The following KRT86 variants were observed in gnomAD, a reference collection of about 807,000 sequenced individuals.
KRT86 encodes the protein keratin 86.
A neutral mutation model predicts 41.2 loss-of-function variants in KRT86; 30 were observed. That is an observed-to-expected ratio of 0.73 (90% CI 0.54 to 0.99). The LOEUF is 0.99. Among genes scored for constraint, KRT86 ranks in the 50% least tolerant of loss-of-function variants. KRT86 has a pLI of 0.00. For synonymous variants in KRT86, 238 were observed against 238.1 expected, an observed-to-expected ratio of 1.00 and a Z score of 0.00; for missense variants, 561 against 571.4, an observed-to-expected ratio of 0.98 and a Z score of 0.19.
At chr12:52,277,347 C>T (rs190159626) in intron 2 of KRT86, among the ~76,000 whole-genome samples, 1 of 152,138 alleles carries the variant, frequency 6.6e-6, no homozygotes, top group East Asian at 1.9e-4. Context: ...TACAGACAAA[C>T]AAACACAAGT....
At chr12:52,297,192 C>A (rs1938270693) in intron 2 of KRT86, among the ~76,000 whole-genome samples, 1 of 152,312 alleles carries the variant, frequency 6.6e-6, no homozygotes, top group Non-Finnish European at 1.5e-5. Context: ...CTTGCCTTTC[C>A]CATCAGACTA....
chr12:52,283,392 CAAA>C (rs1169224117), intron 2 of KRT86, among the ~76,000 whole-genome samples: 8 of 39,564 alleles, frequency 2.0e-4, no homozygotes, highest in Admixed American at 1.3e-3. Flanking sequence ...AACTGTCTCA[CAAA>C]AAAAAAAAAA....
Position 52,302,015 on chromosome 12 carries a change from T to C in KRT86, c.99T>C (p.Arg33=), listed in dbSNP as rs772858714. The change falls in exon 3 of 11, where the codon CGT becomes CGC. Residue 33 remains arginine (R), a synonymous_variant. Transcript: ENST00000423955. Reference sequence around the variant, plus strand: ...GCTGCATCACCGCCGCCCCCTACCGTGGCATCTCCTGCTACCGCGGCCTCA... The same window carrying C: ...GCTGCATCACCGCCGCCCCCTACCGCGGCATCTCCTGCTACCGCGGCCTCA... ...GRCCITAAPY[R]GISCYRGLTG... 3.0e-5 allele frequency: 48 copies of C among 1,611,612 alleles called. 2 individuals are homozygous for C. Among genetic ancestry groups the C allele is most frequent in the South Asian group, 6.6e-5 (6 of 90,966 alleles).
intron 2 of KRT86, among the ~76,000 whole-genome samples, chr12:52,298,424 G>C (rs539700071): frequency 6.6e-6 from 1 of 152,146 alleles, no homozygotes; most frequent in South Asian, 2.1e-4. Flanking sequence ...AAGATAAGGC[G>C]GTTAATGAAA....
intron 2 of KRT86, among the ~76,000 whole-genome samples, chr12:52,284,135 G>A (rs1937847834): frequency 6.6e-6 from 1 of 152,150 alleles, no homozygotes; most frequent in Non-Finnish European, 1.5e-5. Flanking sequence ...GATGGAGCTG[G>A]TGCTTGAGTC....
At chr12:52,308,092 T>C in intron 9 of KRT86, 141 bp from the exon 10 acceptor site, 1 of 1,082,988 alleles carries the variant, frequency 9.2e-7, no homozygotes, top group Non-Finnish European at 1.3e-6. Flanking sequence ...GAGTCTACAC[T>C]GGCTCCTGGC....
At position 52,306,080 on chromosome 12, in the gene KRT86, G is replaced by A. The variant is rs369312934; in HGVS notation, c.1047G>A (p.Ala349=). 2.8e-5 allele frequency: 45 copies of A among 1,613,856 alleles called. No homozygotes were observed. The highest frequency in any genetic ancestry group is 1.3e-4 in the Admixed American group (8 of 59,996). Residue 349 remains alanine (A), a synonymous_variant, in exon 9 of 11, where the codon GCG becomes GCA. Transcript: ENST00000423955. ...AKCQNSKLEA[A]VAQSEQQGEA... is the part of the protein sequence containing the mutation. ...TTCAGAATTCCAAGCTGGAGGCTGC[G>A]GTGGCTCAGTCTGAGCAGCAGGGTG...
intron 2 of KRT86, chr12:52,291,258 C>T: frequency 1.3e-6 from 2 of 1,521,010 alleles, no homozygotes; most frequent in East Asian, 2.5e-5. Flanking sequence ...GGCCCGCACA[C>T]GCCCCCGGAG....
At chr12:52,285,887 TA>T (rs1937912709) in intron 2 of KRT86, 2 of 338,096 alleles carry the variant, frequency 5.9e-6, no homozygotes, top group South Asian at 5.5e-5. Flanking sequence ...CTGAGGAGGG[TA>T]ATAGAGACAC....
At chr12:52,279,274 C>G (rs1241096087) in intron 2 of KRT86, 1 of 152,408 alleles carries the variant, frequency 6.6e-6, no homozygotes, top group African/African-American at 2.4e-5. Flanking sequence ...CAGCTTCTGC[C>G]CTAAAGACTT....
At chr12:52,284,322 T>C (rs1025345183) in intron 2 of KRT86, among the ~76,000 whole-genome samples, 1 of 152,206 alleles carries the variant, frequency 6.6e-6, no homozygotes, top group Non-Finnish European at 1.5e-5. Context: ...CCTAAGTAGC[T>C]GGGACTATAG....
At position 52,302,264 on chromosome 12, in the gene KRT86, G is replaced by A. The variant is rs58580222; in HGVS notation, c.348G>A (p.Arg116=). ...AGCAGATCAAGTCCCTCAACAGCAGGTTCGCGGCCTTCATCGACAAGGTGG... is the reference window on the plus strand; with the variant it reads ...AGCAGATCAAGTCCCTCAACAGCAGATTCGCGGCCTTCATCGACAAGGTGG... The part of the protein sequence containing the change: ...EKEQIKSLNS[R]FAAFIDKVRF... The change falls in exon 3 of 11, where the codon AGG becomes AGA. Residue 116 remains arginine (R), a synonymous_variant. Transcript: ENST00000423955. 0.15 allele frequency: 124,681 copies of A among 836,776 alleles called. 9,895 individuals carry two copies. Among genetic ancestry groups the A allele is most frequent in the South Asian group, 0.24 (13,607 of 55,706 alleles). 51.8% of individuals were successfully genotyped at this position (836,776 alleles called of 1,614,324 possible).
intron 2 of KRT86, among the ~76,000 whole-genome samples, chr12:52,279,902 G>C (rs142531882): frequency 3.9e-5 from 6 of 152,238 alleles, no homozygotes; most frequent in Non-Finnish European, 8.8e-5. Flanking sequence ...GGGACAGGAT[G>C]GTGAGGAAGA....
chr12:52,285,981 T>C, intron 2 of KRT86: 1 of 518,792 alleles, frequency 1.9e-6, no homozygotes, highest in South Asian at 2.1e-5. Flanking sequence ...GGAAGGCAGT[T>C]GCCGTGGGCA....
chr12:52,299,234 C>T (rs890769341), intron 2 of KRT86, among the ~76,000 whole-genome samples: 52 of 152,200 alleles, frequency 3.4e-4, no homozygotes, highest in Non-Finnish European at 4.4e-4. Context: ...TTTTCCCTAA[C>T]ATAATGTCCT....
At chr12:52,287,781 C>A (rs1048741277) in intron 2 of KRT86, 120 of 1,613,736 alleles carry the variant, frequency 7.4e-5, no homozygotes, top group Non-Finnish European at 9.3e-5. Context: ...ATTCAGGACA[C>A]CACAGATGAT....
Position 52,302,173 on chromosome 12 carries a change from G to A in KRT86, c.257G>A (p.Ser86Asn), listed in dbSNP as rs1592436403. ...PCITTVSVNE[S>N]LLTPLNLEID... Reference sequence around the variant, plus strand: ...ATCACCACCGTGTCGGTCAACGAGAGCCTCCTCACGCCCCTCAACCTGGAG... The same window carrying A: ...ATCACCACCGTGTCGGTCAACGAGAACCTCCTCACGCCCCTCAACCTGGAG... Residue 86 changes from serine to asparagine, a missense_variant, in exon 3 of 11, where the codon AGC (serine) becomes AAC (asparagine). Transcript: ENST00000423955. 1 of 1,403,774 alleles carries A rather than the reference G, an allele frequency of 7.1e-7. No homozygotes were observed. Among genetic ancestry groups the A allele is most frequent in the Non-Finnish European group, 9.7e-7 (1 of 1,033,944 alleles). The allele number at this position is 1,403,774 out of a possible 1,614,324, so 87.0% of individuals were successfully genotyped here. A position where few individuals can be genotyped will look rare whatever the true frequency, so the allele number is the denominator to read the frequency against.
chr12:52,305,303 C>A lies in KRT86; in HGVS notation c.799C>A (p.Arg267=). The part of the protein sequence containing the change: ...TSVVVKLDNS[R]DLNMDCIIAE... ...CGTGGTTGTCAAGCTGGACAACAGC[C>A]GGGACCTGAACATGGACTGCATCAT... The change falls in exon 7 of 11, where the codon CGG becomes AGG. Residue 267 remains arginine, a synonymous_variant. Transcript: ENST00000423955. 4 of 1,614,194 alleles carry A rather than the reference C, an allele frequency of 2.5e-6. No homozygotes were observed. In the Admixed American group the frequency reaches 6.7e-5, roughly 27 times the overall value.
chr12:52,275,990 T>C, intron 2 of KRT86, 44 bp downstream of exon 2: 1 of 985,866 alleles, frequency 1.0e-6, no homozygotes. Context: ...CATGGTGGGA[T>C]GGTGACCATT....
Sources: gnomAD v4.1 joint callset for allele counts (sites outside exome capture counted in the v4.1 genomes callset) on GRCh38, gnomAD v4.1.1 for gene constraint, MANE v1.5 for transcripts, NCBI Gene and HGNC (gene_info 2026-07-23, HGNC 2026-07-21) for gene names.